Variants in STK31 observed in about 807,000 individuals in gnomAD.
STK31 encodes the protein serine/threonine-protein kinase 31.
In STK31, 89 loss-of-function variants were observed where a neutral mutation model predicts 129.7. The observed-to-expected ratio is 0.69, with a 90% CI of 0.58 to 0.82. The LOEUF (loss-of-function observed/expected upper bound fraction) is 0.82. STK31 is among the 40% of genes least tolerant of loss of function. The pLI is 0.00. For synonymous variants in STK31, 448 were observed against 395.3 expected, an observed-to-expected ratio of 1.13 and a Z score of -1.58; for missense variants, 1,187 against 1,176.4, an observed-to-expected ratio of 1.01 and a Z score of -0.13.
intron 10 of STK31, among the ~76,000 whole-genome samples, chr7:23,756,463 C>A (rs1437382383): frequency 6.6e-6 from 1 of 152,172 alleles, no homozygotes; most frequent in African/African-American, 2.4e-5. Flanking sequence ...GTCTTCCTCT[C>A]TTCCTATTTG....
At chr7:23,787,145 G>A (rs1008196676) in intron 20 of STK31, among the ~76,000 whole-genome samples, 1 of 152,152 alleles carries the variant, frequency 6.6e-6, no homozygotes, top group African/African-American at 2.4e-5. Flanking sequence ...GTTAGCCAGA[G>A]GTAGAGCTGG....
chr7:23,759,627 A>G (rs539098648), intron 10 of STK31, among the ~76,000 whole-genome samples: 1 of 152,330 alleles, frequency 6.6e-6, no homozygotes, highest in African/African-American at 2.4e-5. Context: ...AAGGGGTAGC[A>G]AAATCTTTTC....
At chr7:23,792,500 T>C (rs116031794) in intron 22 of STK31, among the ~76,000 whole-genome samples, 2 of 152,182 alleles carry the variant, frequency 1.3e-5, no homozygotes, top group Non-Finnish European at 2.9e-5. Context: ...ACCATGCTCA[T>C]GGACTAGAAG....
chr7:23,730,878 A>ATTTTTTTTTTTTTTTTT (rs60712892), intron 6 of STK31, among the ~76,000 whole-genome samples: 1 of 59,542 alleles, frequency 1.7e-5, no homozygotes, highest in Non-Finnish European at 3.3e-5. Flanking sequence ...ATATATATAT[A>ATTTTTTTTTTTTTTTTT]TTTTTTTTTT....
intron 22 of STK31, among the ~76,000 whole-genome samples, chr7:23,808,547 C>CT (rs1367869600): frequency 6.6e-6 from 1 of 151,996 alleles, no homozygotes; most frequent in African/African-American, 2.4e-5. Context: ...CTTTGTTTCA[C>CT]TTTTTTTGGC....
intron 11 of STK31, among the ~76,000 whole-genome samples, chr7:23,765,643 G>A (rs1364838121): frequency 7.0e-6 from 1 of 142,998 alleles, no homozygotes; most frequent in African/African-American, 2.6e-5. Flanking sequence ...TGCAACTTCT[G>A]CCTCCTGGGT....
chr7:23,759,084 G>A (rs1010467668), intron 10 of STK31, among the ~76,000 whole-genome samples: 14 of 152,092 alleles, frequency 9.2e-5, no homozygotes, highest in African/African-American at 3.4e-4. Context: ...ACAAGAAGAG[G>A]TGACTATTCT....
At chr7:23,781,041 A>G (rs1347283452) in intron 15 of STK31, among the ~76,000 whole-genome samples, 1 of 152,208 alleles carries the variant, frequency 6.6e-6, no homozygotes, top group Non-Finnish European at 1.5e-5. Flanking sequence ...TTTGTTTTTA[A>G]CTAAATATCA....
intron 23 of STK31, among the ~76,000 whole-genome samples, chr7:23,829,150 A>T (rs950623298): frequency 2.0e-5 from 3 of 151,564 alleles, no homozygotes; most frequent in Admixed American, 6.6e-5. Context: ...ACCTCACGTG[A>T]TGTGCCCACC....
At position 23,786,496 on chromosome 7, in the gene STK31, C is replaced by G; in HGVS notation, c.2275-12C>G. The G allele has an allele frequency of 6.3e-7, 1 of 1,581,234 alleles. No individual in the cohort carries two copies. The highest frequency in any genetic ancestry group is 1.2e-5 in the South Asian group (1 of 82,336). ...ATCTTGGAATTACGAGTGCCTCTTT[C>G]TTTGGTACAAGGGCTATTCTGTGGA... On this transcript the variant is annotated splice_polypyrimidine_tract_variant and intron_variant, in intron 18 of 23. Coordinates refer to ENST00000355870, the MANE Select transcript of STK31 (RefSeq NM_031414.5).
At chr7:23,730,878 A>ATATATATT in intron 6 of STK31, among the ~76,000 whole-genome samples, 2 of 59,540 alleles carry the variant, frequency 3.4e-5, no homozygotes, top group Admixed American at 2.7e-4. Context: ...ATATATATAT[A>ATATATATT]TTTTTTTTTT....
intron 23 of STK31, among the ~76,000 whole-genome samples, chr7:23,829,739 G>T (rs1325963300): frequency 6.6e-6 from 1 of 152,164 alleles, no homozygotes; most frequent in Non-Finnish European, 1.5e-5. Context: ...GTAGAATTCA[G>T]CAGTGAAGCT....
chr7:23,768,042 T>G (rs78583088), intron 11 of STK31, among the ~76,000 whole-genome samples: 2 of 152,160 alleles, frequency 1.3e-5, no homozygotes, highest in Admixed American at 6.5e-5. Context: ...ATTTTTTTTT[T>G]GTGCACCTGC....
At chr7:23,828,874 A>G (rs10263712) in intron 23 of STK31, among the ~76,000 whole-genome samples, 66,077 of 151,602 alleles carry the variant, frequency 0.44, 14,767 homozygotes, top group Admixed American at 0.52. Flanking sequence ...CTTTAGAGGA[A>G]TGTTTTTCTT....
At chr7:23,732,438 A>G (rs976559978) in intron 6 of STK31, among the ~76,000 whole-genome samples, 1 of 152,190 alleles carries the variant, frequency 6.6e-6, no homozygotes, top group African/African-American at 2.4e-5. Flanking sequence ...TTTTTGGTAT[A>G]GTATTAAAAC....
rs1006345002 is a variant in STK31 at position 23,786,399 on chromosome 7, T to C, written c.2275-109T>C. The C allele has an allele frequency of 6.1e-6, 7 of 1,146,970 alleles. No individual in the cohort carries two copies. The Admixed American group carries it at 2.1e-4, about 35-fold the overall frequency. The allele number at this position is 1,146,970 out of a possible 1,614,324, so 71.0% of individuals were successfully genotyped here. On this transcript the variant is annotated intron_variant, in intron 18 of 23. Coordinates refer to ENST00000355870, the MANE Select transcript of STK31 (RefSeq NM_031414.5). ...GTACTTATAAAATTAAAAAATAAAA[T>C]TAGATTTGATTTAACTTAAAATAAT... is the stretch of plus-strand genomic sequence containing the variant.
chr7:23,762,046 C>T (rs1789501932), intron 10 of STK31, among the ~76,000 whole-genome samples: 1 of 151,082 alleles, frequency 6.6e-6, no homozygotes, highest in Non-Finnish European at 1.5e-5. Context: ...GTGTATGTGC[C>T]AGACACTGTT....
rs192012645 is a variant in STK31, at chr7:23,742,338, G to T, written c.1017+5260G>T. Among the ~76,000 whole-genome samples, 3 of 152,222 alleles carry T rather than the reference G, an allele frequency of 2.0e-5. No homozygotes were observed. The South Asian group carries it at 6.2e-4, about 31-fold the overall frequency. ...CAGGGTGACAAGTATCCTCCTGGGG[G>T]TGCATGGGCATGCTTGTTCTCCCTC... On this transcript the variant is annotated intron_variant, in intron 8 of 23. Coordinates refer to ENST00000355870, the MANE Select transcript of STK31 (RefSeq NM_031414.5).
intron 4 of STK31, chr7:23,726,284 T>C (rs988788257): frequency 6.6e-6 from 1 of 151,790 alleles, no homozygotes; most frequent in Admixed American, 6.6e-5. Context: ...TTGGTAAATA[T>C]CTTACAATGC....
Sources: gnomAD v4.1 joint callset for allele counts (sites outside exome capture counted in the v4.1 genomes callset) on GRCh38, gnomAD v4.1.1 for gene constraint, MANE v1.5 for transcripts, NCBI Gene and HGNC (gene_info 2026-07-23, HGNC 2026-07-21) for gene names.